The following ACTR3C variants were observed in gnomAD, a reference collection of about 807,000 sequenced individuals.
The protein encoded by ACTR3C is actin-related protein 3C.
In ACTR3C, 18 loss-of-function variants were observed where a neutral mutation model predicts 26.3. That is an observed-to-expected ratio of 0.68 (90% CI 0.47 to 1.01). The LOEUF is 1.01. Ranked by LOEUF, ACTR3C falls within the 50% of genes least tolerant of loss-of-function variation. The pLI is 0.00. For missense variants in ACTR3C, 184 were observed against 250.7 expected (o/e 0.73, Z 1.80); for synonymous variants, 55 against 94.5 (o/e 0.58, Z 2.42).
chr7:149,980,286 G>T, the ACTR3C span, among the ~76,000 whole-genome samples: 2 of 152,212 alleles, frequency 1.3e-5, no homozygotes, highest in African/African-American at 2.4e-5. Context: ...ATTTATTAAA[G>T]ACCAAATACT....
intron 1 of ACTR3C, among the ~76,000 whole-genome samples, chr7:150,322,288 T>C (rs73170177): frequency 0.015 from 2,243 of 152,304 alleles, 28 homozygotes; most frequent in Non-Finnish European, 0.022. Context: ...CATAGGAGGT[T>C]AGGCATTCTA....
the ACTR3C span, among the ~76,000 whole-genome samples, chr7:150,065,184 G>T: frequency 1.3e-5 from 2 of 152,232 alleles, no homozygotes; most frequent in African/African-American, 4.8e-5. Flanking sequence ...GGAAAAAATT[G>T]CATTCTGAAG....
the ACTR3C span, among the ~76,000 whole-genome samples, chr7:149,914,522 G>A: frequency 2.1e-3 from 315 of 151,532 alleles, 2 homozygotes; most frequent in South Asian, 0.033. Context: ...GAGCCCTGGC[G>A]CCACTGCACT....
the ACTR3C span, among the ~76,000 whole-genome samples, chr7:149,970,180 C>T: frequency 4.6e-5 from 7 of 152,122 alleles, no homozygotes; most frequent in South Asian, 8.3e-4. Context: ...ACTGTTTAGA[C>T]AGGTTTGAAA....
At chr7:150,048,855 C>T in the ACTR3C span, among the ~76,000 whole-genome samples, 1 of 152,066 alleles carries the variant, frequency 6.6e-6, no homozygotes, top group African/African-American at 2.4e-5. Flanking sequence ...CCCTTCCCTT[C>T]GCCTCTCTCC....
At chr7:150,100,638 T>C in the ACTR3C span, among the ~76,000 whole-genome samples, 1 of 151,608 alleles carries the variant, frequency 6.6e-6, no homozygotes, top group Non-Finnish European at 1.5e-5. Flanking sequence ...GCAAATTTAC[T>C]TAGTCTTATT....
At chr7:149,917,635 C>CTTTTTTTTTTTTTT in the ACTR3C span, among the ~76,000 whole-genome samples, 1 of 93,644 alleles carries the variant, frequency 1.1e-5, no homozygotes, top group African/African-American at 4.4e-5. Flanking sequence ...TGTTTTACAT[C>CTTTTTTTTTTTTTT]TTTTTTTTTT....
chr7:149,934,001 T>A, the ACTR3C span, among the ~76,000 whole-genome samples: 1 of 150,858 alleles, frequency 6.6e-6, no homozygotes, highest in African/African-American at 2.5e-5. Flanking sequence ...GGTGTTAAGT[T>A]CCACTCAATG....
chr7:150,039,006 C>CG, the ACTR3C span, among the ~76,000 whole-genome samples: 8 of 24,944 alleles, frequency 3.2e-4, 2 homozygotes, highest in Admixed American at 1.8e-3. Context: ...AGCCGGGGGG[C>CG]GGGGAAGAGG....
At chr7:149,958,640 T>A in the ACTR3C span, among the ~76,000 whole-genome samples, 3 of 152,214 alleles carry the variant, frequency 2.0e-5, no homozygotes, top group Admixed American at 6.5e-5. Flanking sequence ...GAGAAGTGTG[T>A]TTATTGGCAC....
At chr7:150,207,742 G>A in the ACTR3C span, among the ~76,000 whole-genome samples, 2 of 152,166 alleles carry the variant, frequency 1.3e-5, no homozygotes, top group Non-Finnish European at 2.9e-5. Context: ...TTGTTGACAC[G>A]CTTTTCATTT....
intron 6 of ACTR3C, among the ~76,000 whole-genome samples, chr7:150,256,477 A>C (rs990705604): frequency 1.2e-4 from 18 of 152,264 alleles, no homozygotes; most frequent in African/African-American, 4.1e-4. Flanking sequence ...AACTGATGTG[A>C]GAACTGATGT....
the ACTR3C span, among the ~76,000 whole-genome samples, chr7:150,127,243 C>A: frequency 1.3e-5 from 2 of 151,802 alleles, no homozygotes; most frequent in African/African-American, 4.8e-5. Context: ...AGACTCCCAC[C>A]CCTATTGCCT....
chr7:150,085,612 T>G, the ACTR3C span, among the ~76,000 whole-genome samples: 1 of 152,140 alleles, frequency 6.6e-6, no homozygotes, highest in South Asian at 2.1e-4. Flanking sequence ...AAAGCAAGTA[T>G]GTCAATGGGA....
chr7:150,116,768 T>C, the ACTR3C span, among the ~76,000 whole-genome samples: 6 of 152,132 alleles, frequency 3.9e-5, no homozygotes, highest in Non-Finnish European at 7.4e-5. Flanking sequence ...GAATAAACAG[T>C]ATCTGTAAGG....
chr7:150,135,676 C>T, the ACTR3C span, among the ~76,000 whole-genome samples: 2 of 151,982 alleles, frequency 1.3e-5, no homozygotes, highest in African/African-American at 4.8e-5. Flanking sequence ...GAAACTCTGG[C>T]TGACAGATAA....
At chr7:150,183,633 A>G in the ACTR3C span, among the ~76,000 whole-genome samples, 7 of 147,308 alleles carry the variant, frequency 4.8e-5, no homozygotes, top group Admixed American at 4.0e-4. Flanking sequence ...ACATTTTTCA[A>G]CTTCCATATC....
the ACTR3C span, among the ~76,000 whole-genome samples, chr7:150,164,243 C>T: frequency 6.6e-6 from 1 of 152,190 alleles, no homozygotes; most frequent in Non-Finnish European, 1.5e-5. Context: ...TTTCTAGGAC[C>T]ACCCTGCCTG....
chr7:150,013,495 T>G, the ACTR3C span, among the ~76,000 whole-genome samples: 3 of 152,212 alleles, frequency 2.0e-5, no homozygotes, highest in African/African-American at 7.2e-5. Flanking sequence ...CATGCCTGTC[T>G]TAATGGATGA....
Sources: gnomAD v4.1 joint callset for allele counts (sites outside exome capture counted in the v4.1 genomes callset) on GRCh38, gnomAD v4.1.1 for gene constraint, MANE v1.5 for transcripts, NCBI Gene and HGNC (gene_info 2026-07-23, HGNC 2026-07-21) for gene names.